LRP8: variants seen among roughly 807,000 people sequenced by gnomAD.
The protein encoded by LRP8 is low-density lipoprotein receptor-related protein 8.
A neutral mutation model predicts 111.6 loss-of-function variants in LRP8; 46 were observed. The ratio of observed to expected loss-of-function variants is 0.41; its 90% CI spans 0.33 to 0.53. The LOEUF (loss-of-function observed/expected upper bound fraction) is 0.53. Ranked by LOEUF, LRP8 falls within the 20% of genes least tolerant of loss-of-function variation. LRP8 has a pLI of 0.20. For synonymous variants in LRP8, 464 were observed against 511.2 expected (o/e 0.91, Z 1.24); for missense variants, 959 against 1,297.4 (o/e 0.74, Z 4.01).
Position 53,280,563 on chromosome 1 carries a change from C to A in LRP8, c.496+24G>T, listed in dbSNP as rs780708678. On this transcript the variant is annotated intron_variant, in intron 4 of 18. Coordinates refer to ENST00000306052, the MANE Select transcript of LRP8 (RefSeq NM_004631.5). ...GCTGCCTGACCATGCTTGGCAGACC[C>A]TGGAGATCTGACCCCAGACTCACAG... 1.1e-5 allele frequency: 17 copies of A among 1,608,822 alleles called. No homozygotes were observed. In the Admixed American group the frequency reaches 2.8e-4, roughly 27 times the overall value.
intron 2 of LRP8, among the ~76,000 whole-genome samples, chr1:53,291,100 C>T (rs2100466152): frequency 6.6e-6 from 1 of 152,318 alleles, no homozygotes; most frequent in South Asian, 2.1e-4. Context: ...TCTGTATCCT[C>T]AAGCACATCA....
At chr1:53,268,122 C>G (rs565350509) in intron 8 of LRP8, 6 of 152,360 alleles carry the variant, frequency 3.9e-5, no homozygotes, top group Non-Finnish European at 7.3e-5. Context: ...AGAATGGGCT[C>G]AAGGTGCAGG....
intron 2 of LRP8, among the ~76,000 whole-genome samples, chr1:53,299,421 T>C (rs1650374732): frequency 6.6e-6 from 1 of 152,214 alleles, no homozygotes; most frequent in South Asian, 2.1e-4. Flanking sequence ...CACTGGCCCA[T>C]CCCGGTGATA....
intron 2 of LRP8, among the ~76,000 whole-genome samples, chr1:53,319,300 G>A (rs1413302941): frequency 6.6e-6 from 1 of 152,194 alleles, no homozygotes. Context: ...GTGACCAGGG[G>A]AGGATGGGGG....
intron 2 of LRP8, among the ~76,000 whole-genome samples, chr1:53,313,333 A>G (rs1236721943): frequency 1.3e-5 from 2 of 151,990 alleles, no homozygotes; most frequent in South Asian, 2.1e-4. Flanking sequence ...CTCACAGAAA[A>G]CCACACCCAG....
In LRP8 at chr1:53,327,865, CA is replaced by C; in HGVS notation, c.47del (p.Leu16ArgfsTer58). The C allele has an allele frequency of 6.6e-7, 1 of 1,508,130 alleles. No individual in the cohort carries two copies. Among genetic ancestry groups the C allele is most frequent in the Non-Finnish European group, 8.8e-7 (1 of 1,134,302 alleles). 93.4% of individuals were successfully genotyped at this position (1,508,130 alleles called of 1,614,324 possible). A position where few individuals can be genotyped will look rare whatever the true frequency, so the allele number is the denominator to read the frequency against. ...GCAGCAGCAGCAGCAGCAGCAGCAG[CA>C]GCAGCAGCGCCAGAAGCCGGAGAGG... ...PGPLRLLALL[L>X]LLLLLLLLQL... On this transcript the variant is annotated frameshift_variant, in exon 1 of 19. Coordinates refer to ENST00000306052, the MANE Select transcript of LRP8 (RefSeq NM_004631.5). LOFTEE classifies it high-confidence loss of function.
rs75360028 is a variant in LRP8, at chr1:53,266,615, G to A, written c.1285C>T (p.Arg429Trp). Residue 429 changes from arginine to tryptophan, a missense_variant, in exon 9 of 19, where the codon CGG becomes TGG. Coordinates refer to ENST00000306052, the MANE Select transcript of LRP8 (RefSeq NM_004631.5). This position sits in a 1 kb window ranked among gnomAD's most constrained non-coding sequence, Gnocchi z 5.0. ...AGGTCGATCCTCCGCACCTCGTGCC[G>A]GTTGGTGAAGATTAGGGATGGGCTC... ...GKSPSLIFTN[R>W]HEVRRIDLVK... The A allele has an allele frequency of 4.3e-6, 7 of 1,614,088 alleles. No homozygotes were observed. The highest frequency in any genetic ancestry group is 2.2e-5 in the East Asian group (1 of 44,882).
chr1:53,268,687 A>C (rs534934651), intron 8 of LRP8: 1 of 152,310 alleles, frequency 6.6e-6, no homozygotes, highest in Admixed American at 6.5e-5. Context: ...TAACATGTCC[A>C]AAACAGCCTA....
At chr1:53,291,936 C>T (rs1273583463) in intron 2 of LRP8, 3 of 152,238 alleles carry the variant, frequency 2.0e-5, no homozygotes, top group African/African-American at 7.2e-5. Context: ...CAGAGACTGT[C>T]AAATTCAGCA....
intron 6 of LRP8, 35 bp from the exon 7 acceptor site, chr1:53,271,381 G>A: frequency 6.2e-7 from 1 of 1,613,466 alleles, no homozygotes; most frequent in South Asian, 1.1e-5. Context: ...AGGTCCAGGA[G>A]CCCAGGAGGA....
At chr1:53,292,170 G>C (rs1263537823) in intron 2 of LRP8, 1 of 152,264 alleles carries the variant, frequency 6.6e-6, no homozygotes, top group Non-Finnish European at 1.5e-5. Flanking sequence ...TTTGGTGAGA[G>C]AGACTGTGTC....
At chr1:53,326,277 G>A (rs1572712055) in intron 2 of LRP8, among the ~76,000 whole-genome samples, 1 of 152,228 alleles carries the variant, frequency 6.6e-6, no homozygotes, top group East Asian at 1.9e-4. Flanking sequence ...GGGTGTGGCC[G>A]GGGCGGGGCC....
rs1390070169 is a variant in LRP8 at position 53,317,241 on chromosome 1, T to C, written c.244+9632A>G. The stretch of plus-strand genomic sequence containing the variant: ...GGAAAGCCCACCCTTGGCCTCCAGC[T>C]ATTCAGTCGGGCAGCTTAACCTGGG... On this transcript the variant is annotated intron_variant, in intron 2 of 18. Coordinates refer to ENST00000306052, the MANE Select transcript of LRP8 (RefSeq NM_004631.5). This position sits in a 1 kb window ranked among gnomAD's most constrained non-coding sequence, Gnocchi z 4.9. 6.6e-6 allele frequency among the ~76,000 whole-genome samples: 1 copy of C among 152,190 alleles called. No homozygotes were observed. The highest frequency in any genetic ancestry group is 1.5e-5 in the Non-Finnish European group (1 of 68,022).
rs572537156 is a variant in LRP8 at position 53,265,894 on chromosome 1, C to A, written c.1427+579G>T. Among the ~76,000 whole-genome samples, 5 of 152,354 alleles carry A rather than the reference C, an allele frequency of 3.3e-5. No homozygotes were observed. In the South Asian group the frequency reaches 1.0e-3, roughly 32 times the overall value. ...ATCTGAGAAAGTCCTAGGAGAGAAC[C>A]TCCTCCAGTGTGTGAAGAGCTTCCC... On this transcript the variant is annotated intron_variant, in intron 9 of 18. Coordinates refer to ENST00000306052, the MANE Select transcript of LRP8 (RefSeq NM_004631.5).
chr1:53,270,928 T>C (rs2100405359), intron 8 of LRP8, 100 bp downstream of exon 8: 2 of 1,551,958 alleles, frequency 1.3e-6, no homozygotes, highest in South Asian at 2.3e-5. Flanking sequence ...CCTGCCTTCT[T>C]GTGTGTGCGC....
At position 53,256,525 on chromosome 1, in the gene LRP8, G is replaced by GA. The variant is rs547770436; in HGVS notation, c.2434+714dup. ...AAAGCCAGCTTCTGCTGGCAAATAG[G>GA]ACCAGTTAGGAAGATGTTGCCAAGC... On this transcript the variant is annotated intron_variant, in intron 15 of 18. Transcript: ENST00000306052. Among the ~76,000 whole-genome samples the GA allele has an allele frequency of 2.8e-4, 43 of 152,326 alleles. 1 individual carries two copies. The South Asian group carries it at 4.8e-3, about 17-fold the overall frequency.
At chr1:53,281,721 C>T (rs1647117339) in intron 3 of LRP8, among the ~76,000 whole-genome samples, 1 of 152,218 alleles carries the variant, frequency 6.6e-6, no homozygotes, top group African/African-American at 2.4e-5. Flanking sequence ...ATCCTTATCT[C>T]TGTGCCAATA....
rs56722919 is a variant in LRP8 at position 53,242,858 on chromosome 1, T to TATATATATAC, written c.*4159_*4160insGTATATATAT. 1.4e-5 allele frequency: 2 copies of TATATATATAC among 140,618 alleles called. No homozygotes were observed. The highest frequency in any genetic ancestry group is 2.0e-4 in the East Asian group (1 of 4,906). 8.7% of individuals were successfully genotyped at this position (140,618 alleles called of 1,614,324 possible). A position where few individuals can be genotyped will look rare whatever the true frequency, so the allele number is the denominator to read the frequency against. On this transcript the variant is annotated 3_prime_UTR_variant, in exon 19 of 19. Coordinates refer to ENST00000306052, the MANE Select transcript of LRP8 (RefSeq NM_004631.5). ...TTAAATATATATATATATATATATA[T>TATATATATAC]ACACACACACACACGTGGCTTTTTA...
At chr1:53,261,010 G>A (rs1018118043) in intron 12 of LRP8, among the ~76,000 whole-genome samples, 3 of 152,116 alleles carry the variant, frequency 2.0e-5, no homozygotes, top group Non-Finnish European at 4.4e-5. Flanking sequence ...GTATCCACAC[G>A]AGTCCACATG....
Sources: gnomAD v4.1 joint callset for allele counts (sites outside exome capture counted in the v4.1 genomes callset) on GRCh38, gnomAD v4.1.1 for gene constraint, Gnocchi (gnomAD v3.1) non-coding constraint, MANE v1.5 for transcripts, NCBI Gene and HGNC (gene_info 2026-07-23, HGNC 2026-07-21) for gene names.